The following RTN4RL1 variants were observed in gnomAD, a reference collection of about 807,000 sequenced individuals.
RTN4RL1 encodes reticulon-4 receptor-like 1.
Under a neutral mutation model 25.6 loss-of-function variants are expected in RTN4RL1, and 7 were observed. The observed-to-expected ratio is 0.27, with a 90% CI of 0.16 to 0.51. RTN4RL1 has a LOEUF of 0.51. RTN4RL1 is among the 20% of genes least tolerant of loss of function. RTN4RL1 has a pLI of 0.97. For missense variants in RTN4RL1, 500 were observed against 615.6 expected (o/e 0.81, Z 1.99); for synonymous variants, 297 against 288.2 (o/e 1.03, Z -0.31).
chr17:1,969,015 G>A (rs1447863915), intron 1 of RTN4RL1, among the ~76,000 whole-genome samples: 1 of 149,008 alleles, frequency 6.7e-6, no homozygotes. Flanking sequence ...AAGCCAATCT[G>A]CTGTCTACAA....
intron 1 of RTN4RL1, among the ~76,000 whole-genome samples, chr17:1,956,695 A>T (rs1597493987): frequency 6.6e-6 from 1 of 150,738 alleles, no homozygotes; most frequent in Middle Eastern, 3.5e-3. Context: ...AGGGGAGCTC[A>T]GGGTCTGGGG....
At chr17:1,947,002 ATC>A (rs201579905) in intron 1 of RTN4RL1, among the ~76,000 whole-genome samples, 5,964 of 79,580 alleles carry the variant, frequency 0.075, 394 homozygotes, top group African/African-American at 0.22. Flanking sequence ...GCCTGTGTGC[ATC>A]TCTGTGTGAA....
intron 1 of RTN4RL1, among the ~76,000 whole-genome samples, chr17:1,965,066 C>T (rs922928333): frequency 6.6e-6 from 1 of 150,476 alleles, no homozygotes; most frequent in South Asian, 2.1e-4. Flanking sequence ...GGATTACAGG[C>T]GTGAGCCACC....
At chr17:1,963,147 G>C (rs2066773656) in intron 1 of RTN4RL1, among the ~76,000 whole-genome samples, 1 of 152,084 alleles carries the variant, frequency 6.6e-6, no homozygotes, top group Admixed American at 6.5e-5. Flanking sequence ...CCGCTCTTTG[G>C]GTTCCTAGGA....
At chr17:1,966,674 G>A (rs1037937603) in intron 1 of RTN4RL1, among the ~76,000 whole-genome samples, 2 of 152,134 alleles carry the variant, frequency 1.3e-5, no homozygotes, top group African/African-American at 4.8e-5. Flanking sequence ...ACATAGCCAA[G>A]GGTCTGATGT....
At chr17:2,023,714 T>C (rs1428648452) in intron 1 of RTN4RL1, 1 of 130,744 alleles carries the variant, frequency 7.6e-6, no homozygotes, top group Non-Finnish European at 1.6e-5. Flanking sequence ...CCGTGCGCGT[T>C]TTCTCCTTCC....
chr17:2,017,125 A>G (rs535405636), intron 1 of RTN4RL1, among the ~76,000 whole-genome samples: 15 of 152,220 alleles, frequency 9.9e-5, no homozygotes, highest in Non-Finnish European at 2.1e-4. Context: ...TCTCAACATA[A>G]GCATATGTAA....
chr17:1,952,946 G>A (rs1052140485), intron 1 of RTN4RL1, among the ~76,000 whole-genome samples: 2 of 151,688 alleles, frequency 1.3e-5, no homozygotes, highest in East Asian at 1.9e-4. Flanking sequence ...GTGTGGTGGC[G>A]TGCCTCTGTA....
intron 1 of RTN4RL1, among the ~76,000 whole-genome samples, chr17:1,967,626 A>G (rs1200184496): frequency 1.3e-5 from 2 of 149,994 alleles, no homozygotes; most frequent in African/African-American, 2.4e-5. Flanking sequence ...CCCAAGCCCA[A>G]CACTTTCCAG....
At chr17:2,016,324 T>C (rs761220175) in intron 1 of RTN4RL1, among the ~76,000 whole-genome samples, 2 of 152,036 alleles carry the variant, frequency 1.3e-5, no homozygotes, top group Non-Finnish European at 2.9e-5. Flanking sequence ...GAATTTGCAG[T>C]GAGCCAAGAT....
chr17:1,953,145 T>C (rs1220343719), intron 1 of RTN4RL1, among the ~76,000 whole-genome samples: 3 of 151,654 alleles, frequency 2.0e-5, no homozygotes, highest in Admixed American at 2.0e-4. Context: ...TGGTAGCTCA[T>C]GCCTGTAATC....
At chr17:1,986,508 G>A (rs2066887872) in intron 1 of RTN4RL1, among the ~76,000 whole-genome samples, 1 of 152,078 alleles carries the variant, frequency 6.6e-6, no homozygotes, top group Admixed American at 6.6e-5. Context: ...GGCCATAAAT[G>A]CAATGACAAA....
intron 1 of RTN4RL1, among the ~76,000 whole-genome samples, chr17:1,961,773 C>CAAAAAACAA (rs2066762900): frequency 1.8e-5 from 1 of 55,578 alleles, no homozygotes. Flanking sequence ...ACTAAAAATA[C>CAAAAAACAA]AAAAAAAAAA....
chr17:1,970,621 T>C (rs1006874676), intron 1 of RTN4RL1, among the ~76,000 whole-genome samples: 16 of 152,188 alleles, frequency 1.1e-4, no homozygotes, highest in African/African-American at 3.9e-4. Flanking sequence ...CACTGTGTTC[T>C]TGGTCTCTGT....
intron 1 of RTN4RL1, among the ~76,000 whole-genome samples, chr17:1,970,388 G>A (rs1248444971): frequency 6.6e-6 from 1 of 152,120 alleles, no homozygotes; most frequent in Non-Finnish European, 1.5e-5. Flanking sequence ...TTTTTTACCT[G>A]GTGGCTCTGA....
chr17:1,970,516 T>C (rs773143406), intron 1 of RTN4RL1, among the ~76,000 whole-genome samples: 5 of 152,202 alleles, frequency 3.3e-5, no homozygotes, highest in Non-Finnish European at 5.9e-5. Flanking sequence ...CAGCCCAGGT[T>C]CCACGTGGGA....
intron 1 of RTN4RL1, among the ~76,000 whole-genome samples, chr17:1,947,974 G>C (rs1404551676): frequency 6.6e-6 from 1 of 152,168 alleles, no homozygotes; most frequent in Non-Finnish European, 1.5e-5. Flanking sequence ...AAGCCGTGAT[G>C]ATTACGTTAC....
Position 1,998,751 on chromosome 17 carries a change from G to C in RTN4RL1, c.13+26102C>G, listed in dbSNP as rs1229587104. 1.3e-5 allele frequency among the ~76,000 whole-genome samples: 2 copies of C among 151,590 alleles called. No individual in the cohort carries two copies. Among genetic ancestry groups the C allele is most frequent in the African/African-American group, 4.8e-5 (2 of 41,242 alleles). On this transcript the variant is annotated intron_variant, in intron 1 of 1. Coordinates refer to ENST00000331238, the MANE Select transcript of RTN4RL1 (RefSeq NM_178568.4). The surrounding 1 kb of genome is among the most constrained non-coding windows in gnomAD (Gnocchi z 4.9). Reference sequence around the variant, plus strand: ...GCCTCGCAGCACAGACGGGGACAGGGGCGGCCTCGCGCGCACGGGGACCCC... The same window carrying C: ...GCCTCGCAGCACAGACGGGGACAGGCGCGGCCTCGCGCGCACGGGGACCCC...
At chr17:1,954,811 T>C (rs958294498) in intron 1 of RTN4RL1, among the ~76,000 whole-genome samples, 12 of 152,254 alleles carry the variant, frequency 7.9e-5, no homozygotes, top group Non-Finnish European at 1.8e-4. Flanking sequence ...ATTTAGCTGA[T>C]GTCATTCCAG....
Sources: allele counts gnomAD v4.1 joint callset (sites outside exome capture counted in the v4.1 genomes callset), GRCh38; gene constraint gnomAD v4.1.1; non-coding constraint Gnocchi (gnomAD v3.1); transcripts MANE v1.5; gene names NCBI Gene and HGNC (gene_info 2026-07-23, HGNC 2026-07-21).